TDRD5: variants seen among roughly 807,000 people sequenced by gnomAD.
TDRD5 encodes the protein tudor domain-containing protein 5.
Under a neutral mutation model 120.6 loss-of-function variants are expected in TDRD5, and 41 were observed. The observed-to-expected ratio is 0.34, with a 90% CI of 0.26 to 0.44. The LOEUF is 0.44. TDRD5 is among the 20% of genes least tolerant of loss of function. TDRD5 has a pLI of 1.00. For synonymous variants in TDRD5, 430 were observed against 433.7 expected (o/e 0.99, Z 0.11); for missense variants, 1,006 against 1,221.2 (o/e 0.82, Z 2.63).
intron 14 of TDRD5, among the ~76,000 whole-genome samples, chr1:179,659,706 T>A (rs1679196198): frequency 6.6e-6 from 1 of 152,014 alleles, no homozygotes; most frequent in Non-Finnish European, 1.5e-5. Context: ...TTATTTAATT[T>A]ATTTTTTTGA....
chr1:179,637,928 C>T (rs1469880296), intron 9 of TDRD5, among the ~76,000 whole-genome samples: 1 of 152,112 alleles, frequency 6.6e-6, no homozygotes, highest in Non-Finnish European at 1.5e-5. Flanking sequence ...TGAGCTAGGC[C>T]TCAAAGACAA....
At chr1:179,687,577 AG>A (rs540091342) in intron 17 of TDRD5, among the ~76,000 whole-genome samples, 112 of 152,314 alleles carry the variant, frequency 7.4e-4, no homozygotes, top group Non-Finnish European at 1.1e-3. Context: ...TGCAGAGCTG[AG>A]TTCAATTCCT....
At position 179,679,659 on chromosome 1, in the gene TDRD5, A is replaced by G. The variant is rs1437198020; in HGVS notation, c.2860+10255A>G. Among the ~76,000 whole-genome samples the G allele has an allele frequency of 3.3e-5, 5 of 152,032 alleles. No individual in the cohort carries two copies. The East Asian group carries it at 7.7e-4, about 23-fold the overall frequency. ...AAAATTTATTAACATAAATTTTCAT[A>G]TTATTCCCTTATTTTAATATCTGTA... is the stretch of plus-strand genomic sequence containing the variant. On this transcript the variant is annotated intron_variant, in intron 17 of 17. Coordinates refer to ENST00000444136, the MANE Select transcript of TDRD5 (RefSeq NM_001199085.3).
rs1216027913 is a variant in TDRD5 at position 179,635,662 on chromosome 1, T to G, written c.1300-5T>G. The G allele has an allele frequency of 6.2e-7, 1 of 1,613,016 alleles. No individual in the cohort carries two copies. The highest frequency in any genetic ancestry group is 1.7e-5 in the Admixed American group (1 of 59,916). On this transcript the variant is annotated splice_polypyrimidine_tract_variant and splice_region_variant and intron_variant, in intron 8 of 17. Transcript: ENST00000444136. Reference sequence around the variant, plus strand: ...GATTTTTAATTTTTTTTTTCTAACTTATAGCAAGTAGAAACAAACAAATCA... The same window carrying G: ...GATTTTTAATTTTTTTTTTCTAACTGATAGCAAGTAGAAACAAACAAATCA...
At chr1:179,594,593 C>T (rs939725810) in intron 3 of TDRD5, among the ~76,000 whole-genome samples, 1 of 152,258 alleles carries the variant, frequency 6.6e-6, no homozygotes, top group African/African-American at 2.4e-5. Context: ...TAGTATCTCC[C>T]TTGACAATGT....
Position 179,678,558 on chromosome 1 carries a change from G to A in TDRD5, c.2860+9154G>A, listed in dbSNP as rs73037631. On this transcript the variant is annotated intron_variant, in intron 17 of 17. Coordinates refer to ENST00000444136, the MANE Select transcript of TDRD5 (RefSeq NM_001199085.3). ...CTGCCTCCTATCCGCCATCTTAATC[G>A]ACTATATTTAAACATTTATTCTTCT... 9.8e-3 allele frequency among the ~76,000 whole-genome samples: 1,482 copies of A among 151,616 alleles called. 24 individuals carry two copies. The highest frequency in any genetic ancestry group is 0.033 in the African/African-American group (1,356 of 41,136).
intron 17 of TDRD5, among the ~76,000 whole-genome samples, chr1:179,670,066 T>C (rs1679776186): frequency 6.6e-6 from 1 of 152,204 alleles, no homozygotes; most frequent in African/African-American, 2.4e-5. Context: ...CATAGCTCTT[T>C]CTGTAGACGT....
At chr1:179,640,276 C>T (rs977561822) in intron 10 of TDRD5, 103 bp from the exon 11 acceptor site, 47 of 1,292,516 alleles carry the variant, frequency 3.6e-5, no homozygotes, top group East Asian at 6.9e-5. Context: ...GATGAGATTA[C>T]GTTTTAGTCT....
At chr1:179,602,893 G>A (rs1376735938) in intron 4 of TDRD5, among the ~76,000 whole-genome samples, 1 of 152,084 alleles carries the variant, frequency 6.6e-6, no homozygotes, top group African/African-American at 2.4e-5. Flanking sequence ...TTTTAGAATT[G>A]TTTTTTCTAA....
chr1:179,639,790 T>C, intron 9 of TDRD5, 49 bp from the exon 10 acceptor site: 1 of 1,563,746 alleles, frequency 6.4e-7, no homozygotes. Flanking sequence ...AAAATTATCT[T>C]TAATTTTTTC....
In TDRD5 at chr1:179,656,595, A is replaced by G. The variant is rs570053896; in HGVS notation, c.2322+2233A>G. Among the ~76,000 whole-genome samples the G allele has an allele frequency of 9.8e-5, 15 of 152,322 alleles. No homozygotes were observed. In the South Asian group the frequency reaches 2.7e-3, roughly 27 times the overall value. ...CATCCTTTGTTGACAAGACTATCCT[A>G]TCTCCATTGAATTGTCTTTGAAGCC... is the stretch of plus-strand genomic sequence containing the variant. On this transcript the variant is annotated intron_variant, in intron 14 of 17. Coordinates refer to ENST00000444136, the MANE Select transcript of TDRD5 (RefSeq NM_001199085.3).
intron 8 of TDRD5, 30 bp from the exon 9 acceptor site, chr1:179,635,637 G>T: frequency 6.3e-7 from 1 of 1,592,646 alleles, no homozygotes; most frequent in Non-Finnish European, 8.6e-7. Flanking sequence ...GTCACCAAGA[G>T]ATTTTTAATT....
chr1:179,677,910 C>T (rs1423361669), intron 17 of TDRD5, among the ~76,000 whole-genome samples: 1 of 152,146 alleles, frequency 6.6e-6, no homozygotes, highest in Non-Finnish European at 1.5e-5. Context: ...CCTAGGCATA[C>T]CTGGTTAAGT....
intron 17 of TDRD5, among the ~76,000 whole-genome samples, chr1:179,679,735 C>G (rs1393313326): frequency 6.6e-6 from 1 of 151,530 alleles, no homozygotes; most frequent in African/African-American, 2.4e-5. Flanking sequence ...GGTTTTTCCC[C>G]CCGATCTAGA....
chr1:179,653,306 T>C (rs1253184083), intron 13 of TDRD5, among the ~76,000 whole-genome samples: 2 of 152,192 alleles, frequency 1.3e-5, no homozygotes, highest in Admixed American at 1.3e-4. Context: ...TATCTGACTT[T>C]TAAAATAAAA....
chr1:179,626,632 T>C, intron 6 of TDRD5, among the ~76,000 whole-genome samples: 1 of 152,176 alleles, frequency 6.6e-6, no homozygotes, highest in East Asian at 1.9e-4. Flanking sequence ...CACTTTGAAA[T>C]GTATATAAAA....
intron 17 of TDRD5, among the ~76,000 whole-genome samples, chr1:179,671,349 C>T (rs1312854396): frequency 6.6e-6 from 1 of 152,086 alleles, no homozygotes; most frequent in Non-Finnish European, 1.5e-5. Flanking sequence ...TTAGAATTAG[C>T]TTGTCAGTAT....
chr1:179,664,080 G>A lies in TDRD5; in HGVS notation c.2649+589G>A, dbSNP rs555536611. ...TGGTGTGTTACATTGAAAATAAAGA[G>A]CTTAAGTCTAGAAGACTTGTTCAAA... On this transcript the variant is annotated intron_variant, in intron 16 of 17. Transcript: ENST00000444136. Among the ~76,000 whole-genome samples, 16 of 152,256 alleles carry A rather than the reference G, an allele frequency of 1.1e-4. No individual in the cohort carries two copies. The South Asian group carries it at 1.9e-3, about 18-fold the overall frequency.
At chr1:179,592,538 G>GT (rs574753334) in intron 1 of TDRD5, 64 bp from the exon 2 acceptor site, 6,050 of 1,179,284 alleles carry the variant, frequency 5.1e-3, no homozygotes, top group Non-Finnish European at 5.9e-3. Context: ...CCCACTATTG[G>GT]TTTTTTTTTA....
Sources: gnomAD v4.1 joint callset for allele counts (sites outside exome capture counted in the v4.1 genomes callset) on GRCh38, gnomAD v4.1.1 for gene constraint, MANE v1.5 for transcripts, NCBI Gene and HGNC (gene_info 2026-07-23, HGNC 2026-07-21) for gene names.